Variants in SCGB2A1 observed in about 807,000 individuals in gnomAD.
SCGB2A1 encodes mammaglobin-B.
A neutral mutation model predicts 9.2 loss-of-function variants in SCGB2A1; 6 were observed. The observed-to-expected ratio is 0.66, with a 90% confidence interval of 0.36 to 1.29. SCGB2A1 has a LOEUF of 1.29. Ranked by LOEUF, SCGB2A1 falls within the 50% of genes most tolerant of loss-of-function variation. SCGB2A1 has a pLI of 0.03. For missense variants in SCGB2A1, 138 were observed against 116.9 expected (o/e 1.18, Z -0.83); for synonymous variants, 37 against 41.0 (o/e 0.90, Z 0.37).
chr11:62,210,159 C>T (rs980303402), intron 1 of SCGB2A1, among the ~76,000 whole-genome samples: 2 of 152,204 alleles, frequency 1.3e-5, no homozygotes, highest in African/African-American at 4.8e-5. Flanking sequence ...CACCTCATTT[C>T]TCGAGGGTCC....
At chr11:62,209,208 T>C (rs1037782160) in intron 1 of SCGB2A1, among the ~76,000 whole-genome samples, 1 of 152,196 alleles carries the variant, frequency 6.6e-6, no homozygotes, top group East Asian at 1.9e-4. Flanking sequence ...TGTGACCCAG[T>C]GTCTCTCACC....
rs759881472 is a variant in SCGB2A1, at chr11:62,213,781, G to A, written c.*11G>A. 2 of 1,613,298 alleles carry A rather than the reference G, an allele frequency of 1.2e-6. No individual in the cohort carries two copies. Among genetic ancestry groups the A allele is most frequent in the Non-Finnish European group, 1.7e-6 (2 of 1,179,430 alleles). Reference sequence around the variant, plus strand: ...ATGAAGAGTAATTAACTTTACCCAAGGCGTTTGGCTCAGAGGGCTACAGAC... The same window carrying A: ...ATGAAGAGTAATTAACTTTACCCAAAGCGTTTGGCTCAGAGGGCTACAGAC... On this transcript the variant is annotated 3_prime_UTR_variant, in exon 3 of 3. Transcript: ENST00000244930.
chr11:62,208,985 G>T (rs567320031), intron 1 of SCGB2A1, among the ~76,000 whole-genome samples, 199 bp downstream of exon 1: 1 of 152,260 alleles, frequency 6.6e-6, no homozygotes, highest in South Asian at 2.1e-4. Context: ...CATTGGAGCT[G>T]CACACAGTGT....
chr11:62,211,342 ATT>A (rs5792249), intron 2 of SCGB2A1, among the ~76,000 whole-genome samples: 2 of 151,660 alleles, frequency 1.3e-5, no homozygotes, highest in East Asian at 1.9e-4. Flanking sequence ...AAACATTCTT[ATT>A]TTTTTTTATC....
At chr11:62,210,237 T>G (rs1361331296) in intron 1 of SCGB2A1, among the ~76,000 whole-genome samples, 176 bp from the exon 2 acceptor site, 1 of 152,162 alleles carries the variant, frequency 6.6e-6, no homozygotes, top group African/African-American at 2.4e-5. Flanking sequence ...TTGCAGAGCC[T>G]GAGTTTACAC....
At chr11:62,208,960 A>C (rs988053996) in intron 1 of SCGB2A1, among the ~76,000 whole-genome samples, 174 bp downstream of exon 1, 1 of 152,128 alleles carries the variant, frequency 6.6e-6, no homozygotes, top group African/African-American at 2.4e-5. Context: ...CAGTGTCCTC[A>C]TGGGCTGTCC....
At chr11:62,211,725 T>G (rs965806416) in intron 2 of SCGB2A1, among the ~76,000 whole-genome samples, 15 of 151,962 alleles carry the variant, frequency 9.9e-5, no homozygotes, top group African/African-American at 3.1e-4. Flanking sequence ...AAAATGCAAG[T>G]CCAAGCAACC....
intron 1 of SCGB2A1, 149 bp from the exon 2 acceptor site, chr11:62,210,264 T>C: frequency 1.1e-6 from 1 of 927,272 alleles, no homozygotes; most frequent in East Asian, 3.1e-5. Flanking sequence ...AATTGAGAAC[T>C]CTGCATACTG....
chr11:62,213,771 C>A lies in SCGB2A1; in HGVS notation c.*1C>A. ...TTGGTGTAATATGAAGAGTAATTAACTTTACCCAAGGCGTTTGGCTCAGAG... is the reference window on the plus strand; with the variant it reads ...TTGGTGTAATATGAAGAGTAATTAAATTTACCCAAGGCGTTTGGCTCAGAG... On this transcript the variant is annotated 3_prime_UTR_variant, in exon 3 of 3. Coordinates refer to ENST00000244930, the MANE Select transcript of SCGB2A1 (RefSeq NM_002407.3). The A allele has an allele frequency of 3.1e-6, 5 of 1,613,800 alleles. No individual in the cohort carries two copies. Among genetic ancestry groups the A allele is most frequent in the Non-Finnish European group, 4.2e-6 (5 of 1,179,820 alleles).
Position 62,213,106 on chromosome 11 carries a change from A to ATATTTTTTT in SCGB2A1, c.244-619_244-618insATTTTTTTT, listed in dbSNP as rs67975205. 7.7e-3 allele frequency among the ~76,000 whole-genome samples: 894 copies of ATATTTTTTT among 116,224 alleles called. 52 individuals carry two copies. Among genetic ancestry groups the ATATTTTTTT allele is most frequent in the Admixed American group, 0.021 (217 of 10,436 alleles). 76.2% of individuals were successfully genotyped at this position (116,224 alleles called of 152,430 possible). ...CATATATACACATATATATATATAT[A>ATATTTTTTT]TTTTTTTTTTTGTAGAGATGGCATT... On this transcript the variant is annotated intron_variant, in intron 2 of 2. Transcript: ENST00000244930.
Position 62,210,555 on chromosome 11 carries a change from C to A in SCGB2A1, c.198C>A (p.Phe66Leu). 6.3e-7 allele frequency: 1 copy of A among 1,577,484 alleles called. No homozygotes were observed. The highest frequency in any genetic ancestry group is 8.6e-7 in the Non-Finnish European group (1 of 1,168,702). Residue 66 changes from phenylalanine (F) to leucine (L), a missense_variant, in exon 2 of 3, where the codon TTC (phenylalanine) becomes TTA (leucine). Phe to Leu is a conservative substitution (Grantham distance 22, BLOSUM62 0). Coordinates refer to ENST00000244930, the MANE Select transcript of SCGB2A1 (RefSeq NM_002407.3). ...AEAMGKFKQCFLNQSHRTLKN... is the reference protein window; with the variant it reads ...AEAMGKFKQCLLNQSHRTLKN... ...CTATGGGGAAATTCAAGCAGTGTTT[C>A]CTCAACCAGTCACATAGAACTCTGA...
At chr11:62,210,374 A>C in intron 1 of SCGB2A1, 39 bp from the exon 2 acceptor site, 1 of 1,529,170 alleles carries the variant, frequency 6.5e-7, no homozygotes. Context: ...GTAATGGCCC[A>C]TGTTCTTGTG....
At chr11:62,210,389 T>C (rs375965182) in intron 1 of SCGB2A1, 24 bp from the exon 2 acceptor site, 1 of 342,472 alleles carries the variant, frequency 2.9e-6, no homozygotes, top group Non-Finnish European at 3.6e-6. Context: ...CTTGTGTCTT[T>C]TTTTTTTTTT....
chr11:62,213,029 T>TGTGC (rs1565121453), intron 2 of SCGB2A1, among the ~76,000 whole-genome samples: 19 of 53,804 alleles, frequency 3.5e-4, no homozygotes, highest in African/African-American at 1.0e-3. Context: ...TATACATATA[T>TGTGC]ACACACATAT....
chr11:62,208,695 C>T lies in SCGB2A1; in HGVS notation c.-37C>T. 1 of 1,609,694 alleles carries T rather than the reference C, an allele frequency of 6.2e-7. No homozygotes were observed. Among genetic ancestry groups the T allele is most frequent in the Non-Finnish European group, 8.5e-7 (1 of 1,176,872 alleles). ...TCCACAGCAACTTCCTTGATCCCTGCCACGCACGACTGAACACAGACAGCA... is the reference window on the plus strand; with the variant it reads ...TCCACAGCAACTTCCTTGATCCCTGTCACGCACGACTGAACACAGACAGCA... On this transcript the variant is annotated 5_prime_UTR_variant, in exon 1 of 3. Transcript: ENST00000244930.
intron 1 of SCGB2A1, among the ~76,000 whole-genome samples, chr11:62,209,634 C>CGTGTGT (rs1565120340): frequency 4.9e-5 from 4 of 82,274 alleles, no homozygotes; most frequent in Admixed American, 2.8e-4. Context: ...ATTTCACATT[C>CGTGTGT]ATGTGTGTGT....
Position 62,210,463 on chromosome 11 carries a change from G to T in SCGB2A1, c.106G>T (p.Asp36Tyr). 1 of 1,562,126 alleles carries T rather than the reference G, an allele frequency of 6.4e-7. No individual in the cohort carries two copies. The highest frequency in any genetic ancestry group is 1.2e-5 in the South Asian group (1 of 81,320). ...CATGGTTGAAAAGACCATCAATTCC[G>T]ACATATCTATACCTGAATACAAAGA... Reference protein sequence around the residue: ...EDMVEKTINSDISIPEYKELL... With the variant: ...EDMVEKTINSYISIPEYKELL... The change falls in exon 2 of 3, where the codon GAC becomes TAC. Residue 36 changes from aspartate to tyrosine, a missense_variant. Asp to Tyr is a radical substitution (Grantham distance 160, BLOSUM62 -3). Transcript: ENST00000244930.
intron 2 of SCGB2A1, among the ~76,000 whole-genome samples, chr11:62,212,916 A>ACACACACACATATG (rs1260286343): frequency 1.3e-5 from 2 of 149,428 alleles, no homozygotes; most frequent in African/African-American, 5.0e-5. Flanking sequence ...ATACATATAT[A>ACACACACACATATG]TACACACACA....
intron 1 of SCGB2A1, among the ~76,000 whole-genome samples, chr11:62,209,183 G>T (rs551681006): frequency 6.6e-6 from 1 of 152,290 alleles, no homozygotes; most frequent in Admixed American, 6.5e-5. Flanking sequence ...AGGACAGAAG[G>T]CCCAGGCTGC....
Sources: gnomAD v4.1 joint callset for allele counts (sites outside exome capture counted in the v4.1 genomes callset) on GRCh38, gnomAD v4.1.1 for gene constraint, MANE v1.5 for transcripts, NCBI Gene and HGNC (gene_info 2026-07-23, HGNC 2026-07-21) for gene names.